Variants in TXLNB observed in about 807,000 individuals in gnomAD.
TXLNB encodes beta-taxilin.
A neutral mutation model predicts 57.4 loss-of-function variants in TXLNB; 37 were observed. The observed-to-expected ratio is 0.64, with a 90% confidence interval of 0.50 to 0.85. TXLNB has a LOEUF of 0.85. TXLNB is among the 40% of genes least tolerant of loss of function. The pLI, the probability that TXLNB is intolerant of heterozygous loss-of-function variation, is 0.00. For missense variants in TXLNB, 848 were observed against 825.6 expected, an observed-to-expected ratio of 1.03 and a Z score of -0.33; for synonymous variants, 302 against 309.6, an observed-to-expected ratio of 0.98 and a Z score of 0.26.
intron 8 of TXLNB, among the ~76,000 whole-genome samples, chr6:139,245,743 A>G (rs1776051973): frequency 6.6e-6 from 1 of 152,146 alleles, no homozygotes; most frequent in African/African-American, 2.4e-5. Context: ...CCCAGGCTGG[A>G]GTGCAATGGC....
At chr6:139,278,207 CA>C (rs947637286) in intron 2 of TXLNB, among the ~76,000 whole-genome samples, 2 of 152,160 alleles carry the variant, frequency 1.3e-5, no homozygotes, top group Non-Finnish European at 2.9e-5. Context: ...TTAGTGCTGG[CA>C]GAGAGAAGGC....
At chr6:139,262,949 G>C (rs1185649203) in intron 4 of TXLNB, among the ~76,000 whole-genome samples, 176 bp from the exon 5 acceptor site, 3 of 152,214 alleles carry the variant, frequency 2.0e-5, no homozygotes, top group Non-Finnish European at 4.4e-5. Context: ...TCAGCTGTGA[G>C]TACATAGTTA....
chr6:139,166,076 T>TA, the TXLNB span: 90 of 500,642 alleles, frequency 1.8e-4, 1 homozygote, highest in Non-Finnish European at 2.8e-4. Context: ...GAAGGTCCTT[T>TA]TTAGAGATTC....
At chr6:139,314,906 C>G in the TXLNB span, among the ~76,000 whole-genome samples, 403 of 152,258 alleles carry the variant, frequency 2.6e-3, 4 homozygotes, top group African/African-American at 8.9e-3. Context: ...CAGCCCTTTC[C>G]CGAAAAGACC....
chr6:139,233,343 CTATATA>C, the TXLNB span, among the ~76,000 whole-genome samples: 1 of 144,346 alleles, frequency 6.9e-6, no homozygotes, highest in Non-Finnish European at 1.5e-5. Flanking sequence ...ACTGCCTTTA[CTATATA>C]TAAATATATA....
chr6:139,262,794 A>G (rs1583007280), intron 4 of TXLNB, 21 bp from the exon 5 acceptor site: 2 of 1,609,312 alleles, frequency 1.2e-6, no homozygotes, highest in Non-Finnish European at 1.7e-6. Flanking sequence ...AAAGCAAAAC[A>G]TTTTGTTTAA....
At chr6:139,175,573 A>G in the TXLNB span, among the ~76,000 whole-genome samples, 61 of 152,292 alleles carry the variant, frequency 4.0e-4, no homozygotes, top group Admixed American at 2.6e-3. Flanking sequence ...AAGGAAGTGA[A>G]AGAACTTTTG....
chr6:139,226,657 C>T, the TXLNB span, among the ~76,000 whole-genome samples: 44 of 152,250 alleles, frequency 2.9e-4, no homozygotes, highest in African/African-American at 8.7e-4. Context: ...ATGCATGTCA[C>T]GAAAGAGGCT....
the TXLNB span, among the ~76,000 whole-genome samples, chr6:139,233,561 T>G: frequency 1.3e-5 from 2 of 151,952 alleles, no homozygotes; most frequent in Non-Finnish European, 2.9e-5. Context: ...ATCTGATGGT[T>G]TTTTAAGTGT....
the TXLNB span, among the ~76,000 whole-genome samples, chr6:139,192,049 T>C: frequency 6.6e-6 from 1 of 152,232 alleles, no homozygotes; most frequent in Non-Finnish European, 1.5e-5. Flanking sequence ...TTCAATGGAC[T>C]TAATCCAAGA....
the TXLNB span, among the ~76,000 whole-genome samples, chr6:139,212,257 C>T: frequency 6.6e-5 from 10 of 152,242 alleles, no homozygotes; most frequent in African/African-American, 2.4e-4. Context: ...AAAGGGAAGC[C>T]CATCAGACTA....
At chr6:139,176,960 A>T in the TXLNB span, 3 of 872,496 alleles carry the variant, frequency 3.4e-6, no homozygotes, top group Non-Finnish European at 2.0e-6. This position sits in a 1 kb window ranked among gnomAD's most constrained non-coding sequence, Gnocchi z 4.5. Flanking sequence ...AACTGTAAGC[A>T]CTGTGGGAAG....
the TXLNB span, among the ~76,000 whole-genome samples, chr6:139,233,382 TATAA>T: frequency 1.7e-3 from 6 of 3,526 alleles, no homozygotes; most frequent in South Asian, 0.013. Context: ...TTTATATATA[TATAA>T]ATAAATATAT....
the TXLNB span, among the ~76,000 whole-genome samples, chr6:139,199,045 T>A: frequency 6.6e-6 from 1 of 151,666 alleles, no homozygotes; most frequent in Non-Finnish European, 1.5e-5. Flanking sequence ...CCCCAACCGA[T>A]AAAGGTTCAT....
rs371265746 is a variant in TXLNB at position 139,260,136 on chromosome 6, C to T, written c.1002+182G>A. On this transcript the variant is annotated intron_variant, in intron 6 of 9. Transcript: ENST00000358430. ...GCTACTTGGGGAGGCAGGAGAATCG[C>T]TGGAATCCTGGAGGCTGAGGTTGCA... is the stretch of plus-strand genomic sequence containing the variant. Among the ~76,000 whole-genome samples the T allele has an allele frequency of 4.1e-4, 63 of 152,218 alleles. No individual in the cohort carries two copies. The South Asian group carries it at 0.013, about 31-fold the overall frequency.
intron 3 of TXLNB, among the ~76,000 whole-genome samples, chr6:139,275,324 C>G (rs557806596): frequency 2.0e-5 from 3 of 152,052 alleles, no homozygotes; most frequent in Non-Finnish European, 4.4e-5. Context: ...TTTGTGAAGA[C>G]TATATATTAT....
chr6:139,190,330 GAC>G, the TXLNB span, among the ~76,000 whole-genome samples: 3 of 76,316 alleles, frequency 3.9e-5, no homozygotes, highest in African/African-American at 5.4e-5. Flanking sequence ...TTTTTTTTGA[GAC>G]AGAGTCTCGC....
chr6:139,279,997 C>G (rs545537808), intron 2 of TXLNB, among the ~76,000 whole-genome samples: 1 of 152,014 alleles, frequency 6.6e-6, no homozygotes, highest in African/African-American at 2.4e-5. Flanking sequence ...AAAAACTGGC[C>G]GAGCGTGGTG....
chr6:139,232,429 T>C, the TXLNB span, among the ~76,000 whole-genome samples: 1,303 of 152,310 alleles, frequency 8.6e-3, 20 homozygotes, highest in African/African-American at 0.03. Flanking sequence ...ATTATACTTG[T>C]AGTACTCTCA....
Sources: allele counts gnomAD v4.1 joint callset (sites outside exome capture counted in the v4.1 genomes callset), GRCh38; gene constraint gnomAD v4.1.1; non-coding constraint Gnocchi (gnomAD v3.1); transcripts MANE v1.5; gene names NCBI Gene and HGNC (gene_info 2026-07-23, HGNC 2026-07-21).